The following PKIA variants were observed in gnomAD, a reference collection of about 807,000 sequenced individuals.
PKIA encodes PKI-alpha.
PKIA carries 4 observed loss-of-function variants against 7.6 expected under a neutral mutation model. The ratio of observed to expected loss-of-function variants is 0.52; its 90% confidence interval spans 0.26 to 1.20. PKIA has a LOEUF of 1.20. Ranked by LOEUF, PKIA falls within the 50% of genes most tolerant of loss-of-function variation. The pLI, the probability that PKIA is intolerant of heterozygous loss-of-function variation, is 0.13. For missense variants in PKIA, 73 were observed against 86.2 expected, an observed-to-expected ratio of 0.85 and a Z score of 0.61; for synonymous variants, 21 against 30.7, an observed-to-expected ratio of 0.68 and a Z score of 1.04.
chr8:78,571,112 T>C (rs1461850514), intron 1 of PKIA, among the ~76,000 whole-genome samples: 2 of 152,028 alleles, frequency 1.3e-5, no homozygotes, highest in Admixed American at 1.3e-4. Context: ...AAATGAGTGA[T>C]GAATGAGTGG....
At chr8:78,531,159 T>C (rs1366932459) in intron 1 of PKIA, among the ~76,000 whole-genome samples, 1 of 152,072 alleles carries the variant, frequency 6.6e-6, no homozygotes, top group Non-Finnish European at 1.5e-5. Context: ...TCAGCGGAGT[T>C]TTTACATTTT....
intron 2 of PKIA, among the ~76,000 whole-genome samples, chr8:78,581,182 A>G (rs956327732): frequency 1.5e-4 from 23 of 152,180 alleles, no homozygotes; most frequent in African/African-American, 5.1e-4. Context: ...GAAGCAAGAA[A>G]CATATCAAAG....
intron 3 of PKIA, among the ~76,000 whole-genome samples, chr8:78,600,109 C>A (rs1471249941): frequency 6.6e-6 from 1 of 151,546 alleles, no homozygotes; most frequent in African/African-American, 2.4e-5. Flanking sequence ...ATTCACTAGG[C>A]TCTTGCAACA....
At chr8:78,516,533 G>C (rs988072094) in intron 1 of PKIA, 65 bp downstream of exon 1, 1 of 152,470 alleles carries the variant, frequency 6.6e-6, no homozygotes, top group Non-Finnish European at 1.5e-5. Context: ...GGTTAATAAT[G>C]GGGTTTGCAG....
rs149875476 is a variant in PKIA, at chr8:78,588,078, C to T, written c.-27-10280C>T. ...CAGAAATATAATATAAAGAGGTCAA[C>T]ATGAAAATAATAAATTCTCACATAA... On this transcript the variant is annotated intron_variant, in intron 2 of 3. Transcript: ENST00000396418. Among the ~76,000 whole-genome samples, 80 of 152,262 alleles carry T rather than the reference C, an allele frequency of 5.3e-4. No individual in the cohort carries two copies. In the East Asian group the frequency reaches 0.013, roughly 26 times the overall value.
intron 1 of PKIA, among the ~76,000 whole-genome samples, chr8:78,543,295 T>C (rs146791412): frequency 6.1e-4 from 93 of 152,308 alleles, no homozygotes; most frequent in African/African-American, 2.1e-3. Context: ...AATGGGCAAA[T>C]TGTAAGTTTC....
At chr8:78,557,464 C>T (rs1807167908) in intron 1 of PKIA, among the ~76,000 whole-genome samples, 1 of 151,942 alleles carries the variant, frequency 6.6e-6, no homozygotes, top group African/African-American at 2.4e-5. Flanking sequence ...GTTTATTATG[C>T]TAGAAGTTGT....
intron 1 of PKIA, among the ~76,000 whole-genome samples, chr8:78,543,070 G>A (rs1276991188): frequency 6.6e-6 from 1 of 152,152 alleles, no homozygotes; most frequent in Non-Finnish European, 1.5e-5. Context: ...AAATGTACAC[G>A]CAAATATACG....
chr8:78,526,582 T>C (rs1389669803), intron 1 of PKIA, among the ~76,000 whole-genome samples: 1 of 152,080 alleles, frequency 6.6e-6, no homozygotes, highest in Non-Finnish European at 1.5e-5. Flanking sequence ...TTTCATATTA[T>C]TAAGTTGTCC....
chr8:78,558,466 CA>C, intron 1 of PKIA: 1 of 157,612 alleles, frequency 6.3e-6, no homozygotes, highest in Non-Finnish European at 1.4e-5. Flanking sequence ...TGGTGGGAGG[CA>C]AAAAGCACTC....
chr8:78,566,698 A>T (rs930807418), intron 1 of PKIA, among the ~76,000 whole-genome samples: 1 of 152,134 alleles, frequency 6.6e-6, no homozygotes, highest in African/African-American at 2.4e-5. Flanking sequence ...CATTCTGAAA[A>T]CATAAAATAC....
At chr8:78,549,058 ACT>A (rs1231800107) in intron 1 of PKIA, among the ~76,000 whole-genome samples, 7 of 152,006 alleles carry the variant, frequency 4.6e-5, no homozygotes, top group African/African-American at 1.7e-4. Context: ...TAACACACTA[ACT>A]CTGTCACTTA....
chr8:78,560,234 T>G (rs1807253128), intron 1 of PKIA, among the ~76,000 whole-genome samples: 1 of 152,232 alleles, frequency 6.6e-6, no homozygotes. Flanking sequence ...AAAAGACATT[T>G]TTAAATCTGC....
intron 1 of PKIA, among the ~76,000 whole-genome samples, chr8:78,516,820 T>C (rs1350997507): frequency 1.3e-5 from 2 of 152,204 alleles, no homozygotes; most frequent in Non-Finnish European, 2.9e-5. Context: ...TTTGAGGATT[T>C]GGAGCAGTAG....
At chr8:78,585,528 T>C (rs1807931593) in intron 2 of PKIA, among the ~76,000 whole-genome samples, 1 of 152,094 alleles carries the variant, frequency 6.6e-6, no homozygotes, top group African/African-American at 2.4e-5. Flanking sequence ...ATGAAAAACA[T>C]TAATTATAAT....
intron 2 of PKIA, among the ~76,000 whole-genome samples, chr8:78,590,630 T>C (rs1367066804): frequency 6.6e-6 from 1 of 151,600 alleles, no homozygotes; most frequent in Non-Finnish European, 1.5e-5. Context: ...TGTAAATCAA[T>C]GCCATACTTG....
chr8:78,528,210 CATTTA>C (rs779165580), intron 1 of PKIA, among the ~76,000 whole-genome samples: 10 of 152,142 alleles, frequency 6.6e-5, no homozygotes, highest in Admixed American at 2.0e-4. Context: ...TTTGGTCTGG[CATTTA>C]ATTTAGTCTT....
At chr8:78,564,836 C>T (rs1807366786) in intron 1 of PKIA, among the ~76,000 whole-genome samples, 2 of 151,740 alleles carry the variant, frequency 1.3e-5, no homozygotes, top group Non-Finnish European at 2.9e-5. Flanking sequence ...TAGAATAATG[C>T]TTACTGAAGA....
At chr8:78,526,106 C>T (rs1809539302) in intron 1 of PKIA, among the ~76,000 whole-genome samples, 1 of 152,018 alleles carries the variant, frequency 6.6e-6, no homozygotes, top group African/African-American at 2.4e-5. Flanking sequence ...GACCTCATTA[C>T]TACATCTTTT....
Sources: allele counts gnomAD v4.1 joint callset (sites outside exome capture counted in the v4.1 genomes callset), GRCh38; gene constraint gnomAD v4.1.1; transcripts MANE v1.5; gene names NCBI Gene and HGNC (gene_info 2026-07-23, HGNC 2026-07-21).